LPCAT1: variants seen among roughly 807,000 people sequenced by gnomAD.
The protein encoded by LPCAT1 is 1-acylglycerol-3-phosphate O-acyltransferase.
LPCAT1 carries 23 observed loss-of-function variants against 60.9 expected under a neutral mutation model. The ratio of observed to expected loss-of-function variants is 0.38; its 90% CI spans 0.27 to 0.53. The LOEUF is 0.53. LPCAT1 is among the 20% of genes least tolerant of loss of function. The pLI is 0.82. For synonymous variants in LPCAT1, 340 were observed against 301.1 expected (o/e 1.13, Z -1.34); for missense variants, 622 against 723.6 (o/e 0.86, Z 1.61).
rs1734631037 is a variant in LPCAT1, at chr5:1,470,684, G to C, written c.1278+142C>G. 6 of 586,730 alleles carry C rather than the reference G, an allele frequency of 1.0e-5. No homozygotes were observed. The South Asian group carries it at 1.6e-4, about 15-fold the overall frequency. 36.3% of individuals were successfully genotyped at this position (586,730 alleles called of 1,614,324 possible). ...CTGGGCATTTTACAAACAACAGCTA[G>C]CATAAAAAGCTTACGTAAAAATAGC... On this transcript the variant is annotated intron_variant, in intron 12 of 13. Coordinates refer to ENST00000283415, the MANE Select transcript of LPCAT1 (RefSeq NM_024830.5).
In LPCAT1 at chr5:1,518,784, C is replaced by T. The variant is rs571624097; in HGVS notation, c.135+4926G>A. Among the ~76,000 whole-genome samples the T allele has an allele frequency of 1.1e-4, 17 of 152,324 alleles. 1 individual carries two copies. Among genetic ancestry groups the T allele is most frequent in the African/African-American group, 3.8e-4 (16 of 41,574 alleles). ...CTGAGTGCCAATGACGATAGGGGGC[C>T]GGACCCAGGCAAGAGGCCAGCATCA... On this transcript the variant is annotated intron_variant, in intron 1 of 13. Coordinates refer to ENST00000283415, the MANE Select transcript of LPCAT1 (RefSeq NM_024830.5).
chr5:1,467,110 C>T (rs1057286671), intron 12 of LPCAT1: 3 of 411,406 alleles, frequency 7.3e-6, no homozygotes, highest in African/African-American at 4.1e-5. Context: ...GGACACACAG[C>T]AGATGCTTCT....
intron 9 of LPCAT1, 62 bp from the exon 10 acceptor site, chr5:1,474,747 C>A: frequency 3.2e-6 from 5 of 1,553,970 alleles, no homozygotes; most frequent in South Asian, 1.2e-5. Context: ...CACCGCCCCA[C>A]CAGAATAACC....
In LPCAT1 at chr5:1,469,774, C is replaced by A. The variant is rs557477902; in HGVS notation, c.1278+1052G>T. On this transcript the variant is annotated intron_variant, in intron 12 of 13. Coordinates refer to ENST00000283415, the MANE Select transcript of LPCAT1 (RefSeq NM_024830.5). ...CCAGCCTGGACAACAGAGCGAGACTCCATCTCACAAAAATTAAAAAAAAAA... is the reference window on the plus strand; with the variant it reads ...CCAGCCTGGACAACAGAGCGAGACTACATCTCACAAAAATTAAAAAAAAAA... Among the ~76,000 whole-genome samples the A allele has an allele frequency of 6.6e-5, 10 of 151,912 alleles. No individual in the cohort carries two copies. The South Asian group carries it at 2.1e-3, about 32-fold the overall frequency.
chr5:1,499,163 T>C (rs1172808249), intron 2 of LPCAT1, among the ~76,000 whole-genome samples: 1 of 152,228 alleles, frequency 6.6e-6, no homozygotes, highest in Non-Finnish European at 1.5e-5. Context: ...AAGTCAATTA[T>C]TCACAGACAA....
intron 3 of LPCAT1, among the ~76,000 whole-genome samples, chr5:1,493,628 G>C (rs978883399): frequency 6.6e-6 from 1 of 152,218 alleles, no homozygotes; most frequent in Non-Finnish European, 1.5e-5. Context: ...GATGGCGGCT[G>C]TGAAGGAAGC....
chr5:1,510,587 A>G (rs1338022051), intron 1 of LPCAT1, among the ~76,000 whole-genome samples: 1 of 152,210 alleles, frequency 6.6e-6, no homozygotes, highest in African/African-American at 2.4e-5. Context: ...AATGGGATCA[A>G]AGCCAGTCTG....
intron 1 of LPCAT1, among the ~76,000 whole-genome samples, chr5:1,511,929 A>G (rs1736367606): frequency 1.3e-5 from 2 of 152,180 alleles, no homozygotes; most frequent in South Asian, 4.1e-4. Flanking sequence ...GGCTGTGTTG[A>G]GCTGCAGCCC....
intron 1 of LPCAT1, among the ~76,000 whole-genome samples, chr5:1,513,623 G>A (rs1209270428): frequency 2.6e-5 from 4 of 152,122 alleles, no homozygotes; most frequent in African/African-American, 9.7e-5. Context: ...GCTCTCACCC[G>A]TGGGGCAGGA....
At position 1,502,208 on chromosome 5, in the gene LPCAT1, A is replaced by G. The variant is rs897615030; in HGVS notation, c.136-605T>C. On this transcript the variant is annotated intron_variant, in intron 1 of 13. Transcript: ENST00000283415. This position sits in a 1 kb window ranked among gnomAD's most constrained non-coding sequence, Gnocchi z 5.5. ...AAATTCAAGGGCCACTCTGACGCAC[A>G]GCACACAACCCCAGGCAGCTCCACC... 1.3e-5 allele frequency among the ~76,000 whole-genome samples: 2 copies of G among 152,140 alleles called. No homozygotes were observed. The highest frequency in any genetic ancestry group is 2.9e-5 in the Non-Finnish European group (2 of 68,008).
Position 1,523,804 on chromosome 5 carries a change from G to A in LPCAT1, c.41C>T (p.Ser14Phe). The A allele has an allele frequency of 2.7e-6, 3 of 1,099,600 alleles. No homozygotes were observed. Among genetic ancestry groups the A allele is most frequent in the Non-Finnish European group, 3.3e-6 (3 of 903,650 alleles). 68.1% of individuals were successfully genotyped at this position (1,099,600 alleles called of 1,614,324 possible). ...CCGAGCGTCGCTGGCCCCTGCGCTG[G>A]AGGCAGGGGCGGCCCGGGGTCCGCA... ...RGCGPRAAPA[S>F]SAGASDARLL... Residue 14 changes from serine (S) to phenylalanine (F), a missense_variant, in exon 1 of 14, where the codon TCC (serine) becomes TTC (phenylalanine). Physicochemically the swap from Ser to Phe is radical, Grantham distance 155. Transcript: ENST00000283415. This position sits in a 1 kb window ranked among gnomAD's most constrained non-coding sequence, Gnocchi z 7.1.
At chr5:1,494,214 GC>G (rs1735693624) in intron 3 of LPCAT1, among the ~76,000 whole-genome samples, 1 of 152,228 alleles carries the variant, frequency 6.6e-6, no homozygotes, top group African/African-American at 2.4e-5. Flanking sequence ...TTCCAGAACT[GC>G]CATCTGATAA....
intron 5 of LPCAT1, among the ~76,000 whole-genome samples, chr5:1,484,452 C>T (rs924909573): frequency 1.2e-4 from 19 of 152,212 alleles, no homozygotes; most frequent in African/African-American, 4.6e-4. Context: ...ACAGGACAGG[C>T]GGTCTGAGAA....
At chr5:1,511,546 A>G (rs1193812980) in intron 1 of LPCAT1, among the ~76,000 whole-genome samples, 1 of 148,326 alleles carries the variant, frequency 6.7e-6, no homozygotes, top group East Asian at 2.0e-4. Flanking sequence ...CGCTCACCCT[A>G]CTTGGGGATG....
chr5:1,516,903 C>T (rs1359792807), intron 1 of LPCAT1, among the ~76,000 whole-genome samples: 1 of 152,200 alleles, frequency 6.6e-6, no homozygotes, highest in Non-Finnish European at 1.5e-5. Context: ...AAGAACAGCA[C>T]CTCACCTTTA....
intron 1 of LPCAT1, among the ~76,000 whole-genome samples, chr5:1,508,971 C>T (rs562377903): frequency 5.9e-5 from 9 of 152,266 alleles, no homozygotes; most frequent in South Asian, 2.1e-4. Context: ...TGGTCCCTCT[C>T]GTGTGCACTC....
rs1736711931 is a variant in LPCAT1 at position 1,522,727 on chromosome 5, C to G, written c.135+983G>C. Among the ~76,000 whole-genome samples the G allele has an allele frequency of 6.6e-6, 1 of 152,226 alleles. No homozygotes were observed. Among genetic ancestry groups the G allele is most frequent in the Non-Finnish European group, 1.5e-5 (1 of 68,040 alleles). On this transcript the variant is annotated intron_variant, in intron 1 of 13. Coordinates refer to ENST00000283415, the MANE Select transcript of LPCAT1 (RefSeq NM_024830.5). This position sits in a 1 kb window ranked among gnomAD's most constrained non-coding sequence, Gnocchi z 6.8. ...GGAAATCTATTCTCACAATTGGAAG[C>G]GTGCTCCCTACAAACCGGACAGCCC...
chr5:1,523,725 G>A lies in LPCAT1; in HGVS notation c.120C>T (p.Ala40=). The A allele has an allele frequency of 1.7e-6, 2 of 1,161,034 alleles. No individual in the cohort carries two copies. The allele number at this position is 1,161,034 out of a possible 1,614,324, so 71.9% of individuals were successfully genotyped here. Residue 40 remains alanine (A), a synonymous_variant, in exon 1 of 14, where the codon GCC becomes GCT. Transcript: ENST00000283415. This position sits in a 1 kb window ranked among gnomAD's most constrained non-coding sequence, Gnocchi z 7.1. ...GGGCACCCACCTGGGCCTTCTGCAG[G>A]GCGCTGAGGCGCAGCTCGTGCACGA... The part of the protein sequence containing the change: ...NPFVHELRLS[A]LQKAQVALMT...
chr5:1,467,022 A>G, intron 12 of LPCAT1, 132 bp from the exon 13 acceptor site: 1 of 992,426 alleles, frequency 1.0e-6, no homozygotes, highest in Non-Finnish European at 1.3e-6. Context: ...GCGGCTGGAC[A>G]CGGGGGACTC....
Sources: gnomAD v4.1 joint callset for allele counts (sites outside exome capture counted in the v4.1 genomes callset) on GRCh38, gnomAD v4.1.1 for gene constraint, Gnocchi (gnomAD v3.1) non-coding constraint, MANE v1.5 for transcripts, NCBI Gene and HGNC (gene_info 2026-07-23, HGNC 2026-07-21) for gene names.